The following ATP7A variants were observed in gnomAD, a reference collection of about 807,000 sequenced individuals.
The protein encoded by ATP7A is ATPase copper transporting alpha.
ATP7A carries 7 observed loss-of-function variants against 83.5 expected under a neutral mutation model. The observed-to-expected ratio is 0.08, with a 90% confidence interval of 0.05 to 0.16. ATP7A has a LOEUF of 0.16. Among genes scored for constraint, ATP7A ranks in the 10% least tolerant of loss-of-function variants. ATP7A has a pLI of 1.00. For missense variants in ATP7A, 940 were observed against 1,120.8 expected (o/e 0.84, Z 2.30); for synonymous variants, 354 against 395.2 (o/e 0.90, Z 1.24).
intron 17 of ATP7A, among the ~76,000 whole-genome samples, chrX:78,036,634 A>G (rs782035581): frequency 9.0e-6 from 1 of 111,654 alleles, no homozygotes; most frequent in Non-Finnish European, 1.9e-5. Context: ...TAATCCCAGC[A>G]CTTTGGGAGG....
chrX:77,968,087 A>C (rs1462816868), intron 1 of ATP7A, among the ~76,000 whole-genome samples: 2 of 110,839 alleles, frequency 1.8e-5, no homozygotes, highest in Non-Finnish European at 3.8e-5. Context: ...AGTGAAAGAC[A>C]CACTTGGACA....
chrX:77,928,452 G>A (rs1347339529), intron 1 of ATP7A, among the ~76,000 whole-genome samples: 1 of 110,383 alleles, frequency 9.1e-6, no homozygotes, highest in African/African-American at 3.3e-5. Context: ...ACATGTGCTC[G>A]ACCTGTTATT....
intron 2 of ATP7A, among the ~76,000 whole-genome samples, chrX:77,985,937 G>A (rs1557231333): frequency 9.0e-6 from 1 of 111,321 alleles, no homozygotes; most frequent in East Asian, 2.8e-4. Context: ...CCTCAGGGGA[G>A]GGAAATTAAA....
In ATP7A at chrX:78,026,433, A is replaced by G. The variant is rs782631470; in HGVS notation, c.2917-2817A>G. On this transcript the variant is annotated intron_variant, in intron 14 of 22. Transcript: ENST00000341514. ...CCAACATTGGAGCATCCAGATTTAT[A>G]AAACAAATACTGCTAGACCTACAAA... is the stretch of plus-strand genomic sequence containing the variant. Among the ~76,000 whole-genome samples, 4 of 112,333 alleles carry G rather than the reference A, an allele frequency of 3.6e-5. No individual in the cohort carries two copies. In the East Asian group the frequency reaches 1.1e-3, roughly 31 times the overall value.
chrX:78,030,421 CA>C (rs36079776), intron 15 of ATP7A, among the ~76,000 whole-genome samples: 887 of 84,086 alleles, frequency 0.011, 3 homozygotes, highest in Non-Finnish European at 0.015. Context: ...GACTCCATCT[CA>C]AAAAAAAAAA....
At chrX:78,039,643 A>G (rs929655995) in intron 18 of ATP7A, among the ~76,000 whole-genome samples, 1 of 112,082 alleles carries the variant, frequency 8.9e-6, no homozygotes. Flanking sequence ...CCACAACGTC[A>G]GTTTTAATTT....
At chrX:78,039,118 A>G (rs2078031908) in intron 18 of ATP7A, 136 bp downstream of exon 18, 1 of 676,487 alleles carries the variant, frequency 1.5e-6, no homozygotes, top group East Asian at 3.6e-5. Flanking sequence ...TCAACAACAC[A>G]TGATTATTAC....
intron 1 of ATP7A, among the ~76,000 whole-genome samples, chrX:77,966,019 TTTG>T (rs1317979198): frequency 1.8e-5 from 2 of 112,093 alleles, no homozygotes; most frequent in African/African-American, 6.5e-5. Flanking sequence ...AGGGGTATGT[TTTG>T]TTGTTGTTGT....
chrX:77,989,131 G>T, intron 3 of ATP7A, 102 bp from the exon 4 acceptor site: 1 of 929,321 alleles, frequency 1.1e-6, no homozygotes, highest in Non-Finnish European at 1.5e-6. Flanking sequence ...TGACAAGAAT[G>T]AGAGAGAAAC....
intron 18 of ATP7A, among the ~76,000 whole-genome samples, chrX:78,040,374 C>A (rs1462446431): frequency 1.8e-5 from 2 of 111,304 alleles, no homozygotes; most frequent in Non-Finnish European, 3.8e-5. Context: ...TTATTAGTAA[C>A]CCCTACCTCA....
chrX:77,945,275 T>C (rs1195842965), intron 1 of ATP7A, among the ~76,000 whole-genome samples: 1 of 111,883 alleles, frequency 8.9e-6, no homozygotes, highest in Admixed American at 9.5e-5. Flanking sequence ...CCTGCCTGGC[T>C]CAGGTGATCC....
In ATP7A at chrX:78,021,005, G is replaced by C; in HGVS notation, c.2842G>C (p.Val948Leu). 1 of 1,204,999 alleles carries C rather than the reference G, an allele frequency of 8.3e-7. No homozygotes were observed. Among genetic ancestry groups the C allele is most frequent in the African/African-American group, 1.7e-5 (1 of 57,444 alleles). The change falls in exon 14 of 23, where the codon GTT becomes CTT. Residue 948 changes from valine (V) to leucine (L), a missense_variant. By Grantham distance (32) the Val-to-Leu change is conservative (BLOSUM62 1). Transcript: ENST00000341514. The stretch of plus-strand genomic sequence containing the variant: ...CTATTTTGTTCCTTTTATTGTTTTT[G>C]TTTCCATTGCCACCCTCTTGGTATG... ...SGYFVPFIVF[V>L]SIATLLVWIV...
At chrX:77,958,535 C>CTCCA (rs1359894791) in intron 1 of ATP7A, among the ~76,000 whole-genome samples, 3 of 110,935 alleles carry the variant, frequency 2.7e-5, no homozygotes, top group Non-Finnish European at 5.7e-5. Context: ...AGTGTGATGC[C>CTCCA]TCCAGCCTTG....
intron 1 of ATP7A, among the ~76,000 whole-genome samples, chrX:77,931,616 G>A (rs1426867289): frequency 5.5e-5 from 6 of 108,141 alleles, no homozygotes; most frequent in African/African-American, 1.7e-4. Flanking sequence ...CTCACCTCCC[G>A]GACGGGGCGG....
chrX:78,018,347 A>G (rs1237250118), intron 12 of ATP7A, among the ~76,000 whole-genome samples: 1 of 109,329 alleles, frequency 9.1e-6, no homozygotes, highest in Non-Finnish European at 1.9e-5. Flanking sequence ...TCTACTAAAA[A>G]TATAAAATTA....
intron 1 of ATP7A, among the ~76,000 whole-genome samples, chrX:77,930,525 G>A (rs886562192): frequency 1.8e-5 from 2 of 111,659 alleles, no homozygotes; most frequent in Admixed American, 9.5e-5. Context: ...ATAGGGTTCC[G>A]CAATGAAAAA....
intron 1 of ATP7A, among the ~76,000 whole-genome samples, chrX:77,945,798 A>C (rs1159260660): frequency 8.9e-6 from 1 of 111,801 alleles, no homozygotes; most frequent in Non-Finnish European, 1.9e-5. Context: ...AAGAATAAAA[A>C]TATATGTTTA....
At chrX:78,020,203 A>G in intron 12 of ATP7A, 41 bp from the exon 13 acceptor site, 3 of 1,175,168 alleles carry the variant, frequency 2.6e-6, no homozygotes, top group Non-Finnish European at 3.5e-6. Flanking sequence ...CATGATAGTG[A>G]TCATTTATGC....
intron 1 of ATP7A, among the ~76,000 whole-genome samples, chrX:77,936,559 A>G (rs1483251932): frequency 8.9e-6 from 1 of 111,962 alleles, no homozygotes; most frequent in Admixed American, 9.5e-5. Context: ...TATACCCATT[A>G]AACAACACTA....
Sources: allele counts gnomAD v4.1 joint callset (sites outside exome capture counted in the v4.1 genomes callset), GRCh38; gene constraint gnomAD v4.1.1; transcripts MANE v1.5; gene names NCBI Gene and HGNC (gene_info 2026-07-23, HGNC 2026-07-21).